Variants in MRPS6 observed in about 807,000 individuals in gnomAD.
MRPS6 encodes the protein small ribosomal subunit protein bS6m.
In MRPS6, 6 loss-of-function variants were observed where a neutral mutation model predicts 13.1. The ratio of observed to expected loss-of-function variants is 0.46; its 90% CI spans 0.25 to 0.91. The LOEUF (loss-of-function observed/expected upper bound fraction) is 0.91, where lower values mean the gene tolerates loss of function less well. MRPS6 is among the 40% of genes least tolerant of loss of function. The pLI, the probability that MRPS6 is intolerant of heterozygous loss-of-function variation, is 0.18. For missense variants in MRPS6, 164 were observed against 155.6 expected, an observed-to-expected ratio of 1.05 and a Z score of -0.29; for synonymous variants, 61 against 56.5, an observed-to-expected ratio of 1.08 and a Z score of -0.36.
chr21:34,076,253 A>T, intron 1 of MRPS6, among the ~76,000 whole-genome samples: 1 of 152,068 alleles, frequency 6.6e-6, no homozygotes, highest in East Asian at 1.9e-4. Flanking sequence ...CTGTTTGGAG[A>T]ATATTAACTC....
chr21:34,109,141 GTC>G (rs1979599203), intron 1 of MRPS6, among the ~76,000 whole-genome samples: 1 of 151,904 alleles, frequency 6.6e-6, no homozygotes, highest in Non-Finnish European at 1.5e-5. Flanking sequence ...TTTTTTTATA[GTC>G]TCTTATTCTT....
chr21:34,074,089 G>A (rs1339510572), intron 1 of MRPS6, among the ~76,000 whole-genome samples: 2 of 148,078 alleles, frequency 1.4e-5, no homozygotes, highest in Non-Finnish European at 3.0e-5. Context: ...AGGTCCGCGG[G>A]AGGACACGCG....
rs1359057463 is a variant in MRPS6 at position 34,142,026 on chromosome 21, TCA to T, written c.186-369_186-368del. ...TTAGAAGAGTATCTAATAGATGTTTTCACACACACACACAACATTAATGAATA... is the reference window on the plus strand; with the variant it reads ...TTAGAAGAGTATCTAATAGATGTTTTCACACACACACAACATTAATGAATA... On this transcript the variant is annotated intron_variant, in intron 2 of 2. Coordinates refer to ENST00000399312, the MANE Select transcript of MRPS6 (RefSeq NM_032476.4). Among the ~76,000 whole-genome samples, 6 of 152,134 alleles carry T rather than the reference TCA, an allele frequency of 3.9e-5. No individual in the cohort carries two copies. In the East Asian group the frequency reaches 7.7e-4, roughly 20 times the overall value.
At chr21:34,127,874 T>C (rs1197792227) in intron 2 of MRPS6, among the ~76,000 whole-genome samples, 1 of 152,230 alleles carries the variant, frequency 6.6e-6, no homozygotes, top group Non-Finnish European at 1.5e-5. Context: ...ACAGTGGTTT[T>C]ATTGGTTACA....
chr21:34,102,253 C>T, intron 1 of MRPS6: 3 of 999,858 alleles, frequency 3.0e-6, no homozygotes, highest in Non-Finnish European at 3.6e-6. Context: ...GAGTCCCACA[C>T]CATTATTCAC....
chr21:34,125,543 A>G (rs1296845508), intron 2 of MRPS6, 63 bp downstream of exon 2: 19 of 1,580,854 alleles, frequency 1.2e-5, no homozygotes, highest in African/African-American at 1.4e-5. Flanking sequence ...GTACTGTTCA[A>G]TTACTATTAG....
At chr21:34,090,506 A>C (rs1307138406) in intron 1 of MRPS6, among the ~76,000 whole-genome samples, 1 of 152,210 alleles carries the variant, frequency 6.6e-6, no homozygotes, top group East Asian at 1.9e-4. Context: ...AAAATGTTTG[A>C]GAGAGCTGCA....
At chr21:34,110,648 C>G (rs1485489019) in intron 1 of MRPS6, among the ~76,000 whole-genome samples, 2 of 152,048 alleles carry the variant, frequency 1.3e-5, no homozygotes, top group Non-Finnish European at 2.9e-5. Flanking sequence ...GTAAATTTAC[C>G]TCAAACACTG....
chr21:34,108,065 A>C lies in MRPS6; in HGVS notation c.46-17276A>C, dbSNP rs78057354. 3.4e-3 allele frequency among the ~76,000 whole-genome samples: 513 copies of C among 152,328 alleles called. 6 individuals carry two copies. In the East Asian group the frequency reaches 0.055, roughly 16 times the overall value. On this transcript the variant is annotated intron_variant, in intron 1 of 2. Coordinates refer to ENST00000399312, the MANE Select transcript of MRPS6 (RefSeq NM_032476.4). ...GTGGTCCTATAAAATAATGGAGCTG[A>C]AAAGTTTCTGTAGCCTAGTGATCTT...
intron 1 of MRPS6, chr21:34,122,673 T>C (rs1980160840): frequency 6.6e-6 from 1 of 152,154 alleles, no homozygotes; most frequent in Non-Finnish European, 1.5e-5. Flanking sequence ...TTGAAATTTA[T>C]TTGGGTAGCT....
At chr21:34,076,889 C>T (rs181940339) in intron 1 of MRPS6, among the ~76,000 whole-genome samples, 82 of 152,318 alleles carry the variant, frequency 5.4e-4, no homozygotes, top group African/African-American at 1.9e-3. Flanking sequence ...TTATTCACTT[C>T]TGGAAAACAC....
intron 1 of MRPS6, among the ~76,000 whole-genome samples, chr21:34,085,314 T>C (rs1461335806): frequency 6.6e-6 from 1 of 152,172 alleles, no homozygotes; most frequent in African/African-American, 2.4e-5. Flanking sequence ...GGAATGAGTA[T>C]TTCATAGGGA....
At chr21:34,113,017 A>G (rs994075351) in intron 1 of MRPS6, among the ~76,000 whole-genome samples, 13 of 152,080 alleles carry the variant, frequency 8.5e-5, no homozygotes, top group Non-Finnish European at 4.4e-5. Context: ...ATGAACAACA[A>G]CAACAACAAA....
Position 34,096,875 on chromosome 21 carries a change from C to T in MRPS6, c.45+23130C>T. The T allele has an allele frequency of 2.5e-6, 4 of 1,614,014 alleles. No homozygotes were observed. The highest frequency in any genetic ancestry group is 3.4e-6 in the Non-Finnish European group (4 of 1,179,980). ...ACCTGGTGGTGAAGGAGAACTGCTC[C>T]CCAAAAGAGGAACCATACAAAATGC... On this transcript the variant is annotated intron_variant, in intron 1 of 2. Coordinates refer to ENST00000399312, the MANE Select transcript of MRPS6 (RefSeq NM_032476.4). The surrounding 1 kb of genome is among the most constrained non-coding windows in gnomAD (Gnocchi z 5.9).
At chr21:34,116,517 A>G (rs767299508) in intron 1 of MRPS6, among the ~76,000 whole-genome samples, 1 of 151,818 alleles carries the variant, frequency 6.6e-6, no homozygotes, top group Non-Finnish European at 1.5e-5. Flanking sequence ...CACTATCCTA[A>G]TAACTTTATG....
chr21:34,074,769 C>T lies in MRPS6; in HGVS notation c.45+1024C>T, dbSNP rs564842175. Among the ~76,000 whole-genome samples, 3 of 152,334 alleles carry T rather than the reference C, an allele frequency of 2.0e-5. No homozygotes were observed. In the South Asian group the frequency reaches 6.2e-4, roughly 32 times the overall value. On this transcript the variant is annotated intron_variant, in intron 1 of 2. Coordinates refer to ENST00000399312, the MANE Select transcript of MRPS6 (RefSeq NM_032476.4). ...TCCTACAGCGCTAGAGGAGTGGACGCATTTTTACGTTTGAAATTAGGCTCC... is the reference window on the plus strand; with the variant it reads ...TCCTACAGCGCTAGAGGAGTGGACGTATTTTTACGTTTGAAATTAGGCTCC...
At chr21:34,141,119 T>C (rs998628983) in intron 2 of MRPS6, among the ~76,000 whole-genome samples, 19 of 152,230 alleles carry the variant, frequency 1.2e-4, no homozygotes, top group East Asian at 1.2e-3. Flanking sequence ...CTGTGAGAGC[T>C]CCACATTTCA....
chr21:34,128,116 A>G (rs1214317747), intron 2 of MRPS6, among the ~76,000 whole-genome samples: 2 of 152,144 alleles, frequency 1.3e-5, no homozygotes, highest in Non-Finnish European at 2.9e-5. Context: ...GGTATGTCCT[A>G]GTGGTGTCCA....
At position 34,142,570 on chromosome 21, in the gene MRPS6, A is replaced by G; in HGVS notation, c.348A>G (p.Lys116=). ...TTGTCCCAGTCCCACTCGCAGAAAA[A>G]TTATATTCCACAAAGAAGAGGAAGA... The part of the protein sequence containing the change: ...EGIVPVPLAE[K]LYSTKKRKK Residue 116 remains lysine (K), a synonymous_variant, in exon 3 of 3, where the codon AAA becomes AAG. Coordinates refer to ENST00000399312, the MANE Select transcript of MRPS6 (RefSeq NM_032476.4). 6.2e-7 allele frequency: 1 copy of G among 1,606,064 alleles called. No individual in the cohort carries two copies. The highest frequency in any genetic ancestry group is 8.5e-7 in the Non-Finnish European group (1 of 1,177,870).
Sources: allele counts gnomAD v4.1 joint callset (sites outside exome capture counted in the v4.1 genomes callset), GRCh38; gene constraint gnomAD v4.1.1; non-coding constraint Gnocchi (gnomAD v3.1); transcripts MANE v1.5; gene names NCBI Gene and HGNC (gene_info 2026-07-23, HGNC 2026-07-21).